The following PCDH15 variants were observed in gnomAD, a reference collection of about 807,000 sequenced individuals.
PCDH15 encodes protocadherin-15.
PCDH15 carries 129 observed loss-of-function variants against 178.5 expected under a neutral mutation model. That is an observed-to-expected ratio of 0.72 (90% confidence interval 0.63 to 0.84). The LOEUF (loss-of-function observed/expected upper bound fraction) is 0.84, where lower values mean the gene tolerates loss of function less well. PCDH15 is among the 40% of genes least tolerant of loss of function. PCDH15 has a pLI of 0.00. For missense variants in PCDH15, 2,230 were observed against 2,099.9 expected (o/e 1.06, Z -1.21); for synonymous variants, 800 against 732.0 (o/e 1.09, Z -1.50).
At chr10:54,893,585 G>A (rs989444769) in intron 3 of PCDH15, among the ~76,000 whole-genome samples, 1 of 151,768 alleles carries the variant, frequency 6.6e-6, no homozygotes, top group Non-Finnish European at 1.5e-5. Context: ...CCATGAGAAA[G>A]CATATAAATA....
chr10:54,696,987 C>A (rs77993195), intron 1 of PCDH15, among the ~76,000 whole-genome samples: 12,050 of 152,004 alleles, frequency 0.079, 526 homozygotes, highest in South Asian at 0.15. Flanking sequence ...CACTATGTTG[C>A]CCAGACTGGA....
At position 55,089,738 on chromosome 10, in the gene PCDH15, T is replaced by C. The variant is rs567309955; in HGVS notation, c.-80+76838A>G. ...ACATCTTATTTCAGAACTTGTAAAA[T>C]GGGGCTGTAGGTTAAGCCCTGGTAA... is the stretch of plus-strand genomic sequence containing the variant. On this transcript the variant is annotated intron_variant, in intron 2 of 5. Coordinates refer to the PCDH15 transcript ENST00000458638. 2.0e-5 allele frequency among the ~76,000 whole-genome samples: 3 copies of C among 152,224 alleles called. No individual in the cohort carries two copies. In the South Asian group the frequency reaches 6.2e-4, roughly 32 times the overall value.
In PCDH15 at chr10:54,912,521, C is replaced by G. The variant is rs201679824; in HGVS notation, c.-79-15021G>C. On this transcript the variant is annotated intron_variant, in intron 2 of 5. Transcript: ENST00000458638. ...ACCATGATTGTAAGTTTCTTAAGAC[C>G]TCACCATCTATGCTACCTGCACAGC... Among the ~76,000 whole-genome samples, 13 of 152,232 alleles carry G rather than the reference C, an allele frequency of 8.5e-5. No individual in the cohort carries two copies. In the East Asian group the frequency reaches 2.5e-3, roughly 29 times the overall value.
intron 21 of PCDH15, among the ~76,000 whole-genome samples, chr10:53,965,957 C>A (rs1489354675): frequency 6.6e-6 from 1 of 151,450 alleles, no homozygotes; most frequent in Non-Finnish European, 1.5e-5. Context: ...TCTCAGATGC[C>A]TAAAATAGTT....
At chr10:54,977,890 C>T (rs2131900664) in intron 2 of PCDH15, among the ~76,000 whole-genome samples, 1 of 152,214 alleles carries the variant, frequency 6.6e-6, no homozygotes, top group East Asian at 1.9e-4. Flanking sequence ...AAGCATATAG[C>T]ACATGTTAAC....
chr10:54,307,040 GTATATATATATATATA>G (rs1158139613), intron 8 of PCDH15, among the ~76,000 whole-genome samples: 1 of 29,334 alleles, frequency 3.4e-5, no homozygotes, highest in Non-Finnish European at 5.8e-5. Context: ...GTGTGTGTGT[GTATATATATATATATA>G]TATATATATA....
intron 8 of PCDH15, among the ~76,000 whole-genome samples, chr10:54,260,263 TA>T (rs1391506900): frequency 1.3e-5 from 2 of 152,162 alleles, no homozygotes; most frequent in Non-Finnish European, 2.9e-5. Context: ...AGAAACTATT[TA>T]AAAAGTCCAT....
At chr10:54,198,315 C>T (rs2049876574) in intron 10 of PCDH15, among the ~76,000 whole-genome samples, 1 of 151,966 alleles carries the variant, frequency 6.6e-6, no homozygotes, top group South Asian at 2.1e-4. Context: ...ATTGTTTTTT[C>T]ACTGTTTAAA....
chr10:54,192,020 AAAAT>A (rs1286326190), intron 11 of PCDH15, among the ~76,000 whole-genome samples: 1 of 150,532 alleles, frequency 6.6e-6, no homozygotes, highest in Non-Finnish European at 1.5e-5. Flanking sequence ...GAGAAAGAAA[AAAAT>A]AATGAACGGA....
At chr10:55,024,030 A>T (rs574215029) in intron 2 of PCDH15, among the ~76,000 whole-genome samples, 44 of 146,624 alleles carry the variant, frequency 3.0e-4, no homozygotes, top group African/African-American at 1.1e-3. Context: ...TGTATATATA[A>T]AATCTCTTTC....
At chr10:55,350,468 G>C (rs1270441748) in intron 2 of PCDH15, among the ~76,000 whole-genome samples, 4 of 151,648 alleles carry the variant, frequency 2.6e-5, no homozygotes, top group African/African-American at 7.3e-5. Context: ...ATTCAGAGCA[G>C]AGGGAAGATA....
chr10:54,993,406 G>A lies in PCDH15; in HGVS notation c.-79-95906C>T, dbSNP rs555433455. Among the ~76,000 whole-genome samples the A allele has an allele frequency of 2.5e-4, 38 of 152,246 alleles. 1 individual carries two copies. The South Asian group carries it at 7.9e-3, about 32-fold the overall frequency. On this transcript the variant is annotated intron_variant, in intron 2 of 5. Transcript: ENST00000458638. ...ATATCTACATTAAGCCACAAATCAT[G>A]AATACCTGCTTGACTATGTCCTCTG...
chr10:55,012,797 C>T (rs1234723919), intron 2 of PCDH15, among the ~76,000 whole-genome samples: 1 of 152,056 alleles, frequency 6.6e-6, no homozygotes, highest in African/African-American at 2.4e-5. Flanking sequence ...GCCCCTTTAT[C>T]TTTCCTCTTC....
chr10:54,101,406 G>C (rs772724466), intron 15 of PCDH15, among the ~76,000 whole-genome samples: 4 of 151,988 alleles, frequency 2.6e-5, no homozygotes, highest in African/African-American at 9.7e-5. Context: ...TTATAAACCT[G>C]GCCATCAACA....
At chr10:55,160,456 C>A (rs1028421925) in intron 2 of PCDH15, among the ~76,000 whole-genome samples, 2 of 151,624 alleles carry the variant, frequency 1.3e-5, no homozygotes, top group African/African-American at 4.8e-5. Flanking sequence ...TTTTTTTGGT[C>A]CCCAAAACTC....
chr10:54,663,459 A>G (rs1049749541), intron 2 of PCDH15, among the ~76,000 whole-genome samples: 1 of 148,750 alleles, frequency 6.7e-6, no homozygotes, highest in Non-Finnish European at 1.5e-5. Flanking sequence ...CATATTATAT[A>G]TATCCTAACT....
At chr10:55,294,619 T>C (rs1843089092) in intron 1 of PCDH15, among the ~76,000 whole-genome samples, 1 of 152,224 alleles carries the variant, frequency 6.6e-6, no homozygotes, top group African/African-American at 2.4e-5. Flanking sequence ...TCATTAAATG[T>C]CCTGTTCATA....
At chr10:53,913,462 G>A (rs761297338) in intron 25 of PCDH15, among the ~76,000 whole-genome samples, 2 of 151,850 alleles carry the variant, frequency 1.3e-5, no homozygotes, top group African/African-American at 2.4e-5. Context: ...AGCCGGGCGC[G>A]GTGGCTCACA....
chr10:54,952,153 A>C (rs956343767), intron 2 of PCDH15, among the ~76,000 whole-genome samples: 3 of 151,910 alleles, frequency 2.0e-5, no homozygotes, highest in African/African-American at 7.2e-5. Flanking sequence ...TTTAAGTTTT[A>C]CATTGGGGCC....
Sources: gnomAD v4.1 joint callset for allele counts (sites outside exome capture counted in the v4.1 genomes callset) on GRCh38, gnomAD v4.1.1 for gene constraint, MANE v1.5 for transcripts, NCBI Gene and HGNC (gene_info 2026-07-23, HGNC 2026-07-21) for gene names.